TMTC3: variants seen among roughly 807,000 people sequenced by gnomAD.
The protein encoded by TMTC3 is transmembrane O-mannosyltransferase targeting cadherins 3.
TMTC3 carries 52 observed loss-of-function variants against 92.2 expected under a neutral mutation model. The observed-to-expected ratio is 0.56, with a 90% CI of 0.45 to 0.71. The LOEUF (loss-of-function observed/expected upper bound fraction) is 0.71, where lower values mean the gene tolerates loss of function less well. Among genes scored for constraint, TMTC3 ranks in the 30% least tolerant of loss-of-function variants. The pLI, the probability that TMTC3 is intolerant of heterozygous loss-of-function variation, is 0.00. For missense variants in TMTC3, 896 were observed against 1,057.1 expected (o/e 0.85, Z 2.11); for synonymous variants, 339 against 363.3 (o/e 0.93, Z 0.76).
At chr12:88,186,154 T>C (rs1017941307) in intron 10 of TMTC3, among the ~76,000 whole-genome samples, 1 of 152,166 alleles carries the variant, frequency 6.6e-6, no homozygotes, top group African/African-American at 2.4e-5. Context: ...CATACACAGT[T>C]GCCTGAAAAC....
At chr12:88,146,364 A>G (rs1254768472) in intron 1 of TMTC3, among the ~76,000 whole-genome samples, 3 of 152,164 alleles carry the variant, frequency 2.0e-5, no homozygotes, top group Admixed American at 2.0e-4. Flanking sequence ...AGCCTTATAA[A>G]GAGCTTGTGC....
At chr12:88,148,182 C>G in intron 1 of TMTC3, 106 bp from the exon 2 acceptor site, 1 of 673,204 alleles carries the variant, frequency 1.5e-6, no homozygotes, top group South Asian at 2.1e-5. Context: ...ATTTTAGCTG[C>G]GCTTTTCTCT....
At chr12:88,176,772 G>A (rs1297338491) in intron 10 of TMTC3, among the ~76,000 whole-genome samples, 2 of 151,008 alleles carry the variant, frequency 1.3e-5, no homozygotes, top group Non-Finnish European at 3.0e-5. Context: ...GACAGAGTGA[G>A]ACTGTGTCTC....
intron 4 of TMTC3, among the ~76,000 whole-genome samples, chr12:88,155,848 C>T (rs753381705): frequency 1.1e-4 from 16 of 152,106 alleles, no homozygotes; most frequent in Admixed American, 4.6e-4. Context: ...CAGTGGTTCA[C>T]GTCTGTAATC....
At chr12:88,193,317 T>C (rs1013498815) in intron 13 of TMTC3, among the ~76,000 whole-genome samples, 1 of 152,092 alleles carries the variant, frequency 6.6e-6, no homozygotes, top group Admixed American at 6.5e-5. Flanking sequence ...ATGTTGTAAT[T>C]TTTTATATTT....
chr12:88,183,601 C>T (rs967208215), intron 10 of TMTC3, among the ~76,000 whole-genome samples: 1 of 152,086 alleles, frequency 6.6e-6, no homozygotes, highest in Non-Finnish European at 1.5e-5. Flanking sequence ...CTCCTCCCTT[C>T]CCTTTTTAGG....
chr12:88,166,020 A>G (rs1199355818), intron 6 of TMTC3, among the ~76,000 whole-genome samples: 1 of 152,170 alleles, frequency 6.6e-6, no homozygotes, highest in Non-Finnish European at 1.5e-5. Flanking sequence ...CAAAAGGTTT[A>G]ATGGAACACT....
intron 8 of TMTC3, among the ~76,000 whole-genome samples, chr12:88,174,270 A>G (rs918048721): frequency 2.0e-5 from 3 of 152,092 alleles, no homozygotes; most frequent in Non-Finnish European, 4.4e-5. Context: ...AATTAAGAAT[A>G]CTCAGTTGTA....
At chr12:88,170,610 C>A (rs1351316136) in intron 7 of TMTC3, among the ~76,000 whole-genome samples, 1 of 152,096 alleles carries the variant, frequency 6.6e-6, no homozygotes, top group Non-Finnish European at 1.5e-5. Flanking sequence ...GGAGAGTATT[C>A]TTTTCAATGT....
chr12:88,174,094 A>G (rs1004659432), intron 8 of TMTC3, among the ~76,000 whole-genome samples: 1 of 152,132 alleles, frequency 6.6e-6, no homozygotes, highest in African/African-American at 2.4e-5. Flanking sequence ...TGTATAAGTA[A>G]TTTGCCTCTG....
chr12:88,179,477 G>A lies in TMTC3; in HGVS notation c.1432+3158G>A, dbSNP rs76514275. Among the ~76,000 whole-genome samples, 620 of 152,198 alleles carry A rather than the reference G, an allele frequency of 4.1e-3. 5 individuals are homozygous for A. The highest frequency in any genetic ancestry group is 0.014 in the African/African-American group (591 of 41,508). On this transcript the variant is annotated intron_variant, in intron 10 of 13. Coordinates refer to ENST00000266712, the MANE Select transcript of TMTC3 (RefSeq NM_181783.4). The stretch of plus-strand genomic sequence containing the variant: ...GTTATGTTAAATACTGGTTATATAA[G>A]ACTTAGGCCAGTTTCTAGGCAATAA...
chr12:88,149,702 G>A (rs963414523), intron 2 of TMTC3, among the ~76,000 whole-genome samples: 1 of 152,132 alleles, frequency 6.6e-6, no homozygotes, highest in African/African-American at 2.4e-5. Flanking sequence ...AAATTTGGAA[G>A]CCTCTCAAGG....
In TMTC3 at chr12:88,199,830, A is replaced by T. The variant is rs1054432315; in HGVS notation, c.*4181A>T. ...GGATAGCATATTTCCATCAAGTAGC[A>T]CGTATAACGTGATGCTTTCATGTTT... is the stretch of plus-strand genomic sequence containing the variant. On this transcript the variant is annotated 3_prime_UTR_variant, in exon 14 of 14. Coordinates refer to ENST00000266712, the MANE Select transcript of TMTC3 (RefSeq NM_181783.4). The T allele has an allele frequency of 6.6e-6, 1 of 152,212 alleles. No individual in the cohort carries two copies. Among genetic ancestry groups the T allele is most frequent in the South Asian group, 2.1e-4 (1 of 4,836 alleles). The allele number at this position is 152,212 out of a possible 1,614,324, so 9.4% of individuals were successfully genotyped here.
rs2041531574 is a variant in TMTC3 at position 88,197,747 on chromosome 12, A to C, written c.*2098A>C. The C allele has an allele frequency of 6.6e-6, 1 of 152,082 alleles. No individual in the cohort carries two copies. The highest frequency in any genetic ancestry group is 2.4e-5 in the African/African-American group (1 of 41,428). The allele number at this position is 152,082 out of a possible 1,614,324, so 9.4% of individuals were successfully genotyped here. Reference sequence around the variant, plus strand: ...AATTTTAAATAATTTATTTAAATCAAGACCACCATAAGTCATTAATAATTT... The same window carrying C: ...AATTTTAAATAATTTATTTAAATCACGACCACCATAAGTCATTAATAATTT... On this transcript the variant is annotated 3_prime_UTR_variant, in exon 14 of 14. Coordinates refer to ENST00000266712, the MANE Select transcript of TMTC3 (RefSeq NM_181783.4).
chr12:88,151,131 T>C (rs974237681), intron 2 of TMTC3, among the ~76,000 whole-genome samples: 13 of 151,658 alleles, frequency 8.6e-5, no homozygotes, highest in Admixed American at 4.6e-4. Flanking sequence ...TTTTGTCTTA[T>C]TTTGTGTGTG....
chr12:88,145,890 AGTTTTATTTTCCT>A (rs982096304), intron 1 of TMTC3, among the ~76,000 whole-genome samples: 1 of 152,170 alleles, frequency 6.6e-6, no homozygotes, highest in African/African-American at 2.4e-5. Context: ...TGAGATCCCA[AGTTTTATTTTCCT>A]TTCACATTTC....
intron 10 of TMTC3, among the ~76,000 whole-genome samples, chr12:88,186,108 A>G (rs181046251): frequency 3.5e-3 from 526 of 152,276 alleles, no homozygotes; most frequent in Middle Eastern, 0.01. Context: ...ACTGTTGGGC[A>G]GCTAATATTT....
intron 9 of TMTC3, among the ~76,000 whole-genome samples, chr12:88,175,320 T>C (rs552133447): frequency 3.9e-5 from 6 of 152,282 alleles, no homozygotes; most frequent in African/African-American, 1.4e-4. Flanking sequence ...AAAACAAAAA[T>C]TTGTTTTCTT....
rs1406693936 is a variant in TMTC3, at chr12:88,156,255, T to A, written c.508+1868T>A. Among the ~76,000 whole-genome samples, 3 of 152,236 alleles carry A rather than the reference T, an allele frequency of 2.0e-5. 1 individual carries two copies. Among genetic ancestry groups the A allele is most frequent in the Non-Finnish European group, 4.4e-5 (3 of 68,038 alleles). On this transcript the variant is annotated intron_variant, in intron 4 of 13. Transcript: ENST00000266712. ...GTTTTGGCTTGTGAGCTCAAGCACA[T>A]GTTCTTCTAAAGTTATAAACTACTG...
Sources: allele counts gnomAD v4.1 joint callset (sites outside exome capture counted in the v4.1 genomes callset), GRCh38; gene constraint gnomAD v4.1.1; transcripts MANE v1.5; gene names NCBI Gene and HGNC (gene_info 2026-07-23, HGNC 2026-07-21).